The following MTHFD2L variants were observed in gnomAD, a reference collection of about 807,000 sequenced individuals.
The protein encoded by MTHFD2L is methylenetetrahydrofolate dehydrogenase (NADP+ dependent) 2 like, also known as bifunctional methylenetetrahydrofolate dehydrogenase/cyclohydrolase 2, mitochondrial.
MTHFD2L carries 29 observed loss-of-function variants against 34.9 expected under a neutral mutation model. The observed-to-expected ratio is 0.83, with a 90% CI of 0.62 to 1.13. The LOEUF is 1.13. Ranked by LOEUF, MTHFD2L falls within the 50% of genes most tolerant of loss-of-function variation. The pLI is 0.00. For synonymous variants in MTHFD2L, 167 were observed against 155.7 expected (o/e 1.07, Z -0.54); for missense variants, 481 against 446.5 (o/e 1.08, Z -0.70).
chr4:74,130,798 T>G (rs1288971008), intron 1 of MTHFD2L, among the ~76,000 whole-genome samples: 2 of 152,134 alleles, frequency 1.3e-5, no homozygotes, highest in Non-Finnish European at 2.9e-5. Flanking sequence ...AGTCAAATTG[T>G]CTCTATTTGC....
chr4:74,293,603 T>TC, intron 7 of MTHFD2L: 3 of 831,934 alleles, frequency 3.6e-6, no homozygotes, highest in Non-Finnish European at 4.3e-6. Flanking sequence ...AGCACTTGAT[T>TC]CCTGGTTGCC....
chr4:74,158,365 C>A, intron 1 of MTHFD2L, 84 bp downstream of exon 1: 1 of 1,034,226 alleles, frequency 9.7e-7, no homozygotes, highest in Non-Finnish European at 1.2e-6. Context: ...GCGCGTGGGG[C>A]CCAAGGCTCG....
chr4:74,141,694 C>T (rs1578247256), intron 1 of MTHFD2L, among the ~76,000 whole-genome samples: 1 of 152,246 alleles, frequency 6.6e-6, no homozygotes, highest in Non-Finnish European at 1.5e-5. Context: ...TTTCCTCATC[C>T]ATAAAATAGG....
intron 6 of MTHFD2L, among the ~76,000 whole-genome samples, chr4:74,241,099 A>G (rs923496472): frequency 2.5e-4 from 38 of 152,210 alleles, no homozygotes; most frequent in African/African-American, 9.2e-4. Flanking sequence ...GTTCTTAATT[A>G]GCGCCAAGAG....
intron 6 of MTHFD2L, among the ~76,000 whole-genome samples, chr4:74,237,605 CTCTG>C (rs1451835073): frequency 6.6e-6 from 1 of 151,954 alleles, no homozygotes; most frequent in African/African-American, 2.4e-5. Context: ...CAGAGACAGA[CTCTG>C]TCTGAAAAAA....
At chr4:74,210,699 T>C (rs548846043) in intron 5 of MTHFD2L, among the ~76,000 whole-genome samples, 2 of 151,402 alleles carry the variant, frequency 1.3e-5, no homozygotes, top group African/African-American at 4.8e-5. Context: ...CCATATGAAA[T>C]ATATTTTTTT....
chr4:74,226,444 A>C (rs1243323943), intron 6 of MTHFD2L, among the ~76,000 whole-genome samples: 1 of 152,170 alleles, frequency 6.6e-6, no homozygotes, highest in African/African-American at 2.4e-5. Flanking sequence ...TAATATACAA[A>C]AGAAAGCTTT....
chr4:74,123,609 G>T (rs1721868526), upstream of MTHFD2L, among the ~76,000 whole-genome samples: 1 of 152,048 alleles, frequency 6.6e-6, no homozygotes, highest in Non-Finnish European at 1.5e-5. Flanking sequence ...ACCTTTGTGG[G>T]ACTCTTCAGC....
intron 7 of MTHFD2L, among the ~76,000 whole-genome samples, chr4:74,285,178 C>T (rs758598969): frequency 9.9e-5 from 15 of 151,026 alleles, no homozygotes; most frequent in Non-Finnish European, 1.5e-4. Context: ...CATCACACAC[C>T]GGGGCCTGTT....
intron 5 of MTHFD2L, among the ~76,000 whole-genome samples, chr4:74,219,703 T>C (rs940627400): frequency 1.3e-5 from 2 of 152,118 alleles, no homozygotes; most frequent in African/African-American, 4.8e-5. Flanking sequence ...TTTGAACACA[T>C]TTGCTTTTAG....
chr4:74,118,453 AT>A (rs1235367832), upstream of MTHFD2L, among the ~76,000 whole-genome samples: 1 of 152,230 alleles, frequency 6.6e-6, no homozygotes, highest in East Asian at 1.9e-4. Context: ...GAGCAAAGGC[AT>A]TTCATTAAGT....
chr4:74,262,564 CTT>C (rs1403288422), intron 6 of MTHFD2L, among the ~76,000 whole-genome samples: 1 of 151,802 alleles, frequency 6.6e-6, no homozygotes, highest in African/African-American at 2.4e-5. Flanking sequence ...AAAAACCTAA[CTT>C]TTAAAAGAAC....
In MTHFD2L at chr4:74,201,372, T is replaced by C. The variant is rs761287321; in HGVS notation, c.712+2T>C. On this transcript the variant is annotated splice_donor_variant, in intron 5 of 7. Transcript: ENST00000325278. LOFTEE classifies it high-confidence loss of function. ...ATGGAGAGCATGAACGGCCAGGAGGTAGGTAGAACCTTGCAGATTCTACAC... is the reference window on the plus strand; with the variant it reads ...ATGGAGAGCATGAACGGCCAGGAGGCAGGTAGAACCTTGCAGATTCTACAC... 6.2e-7 allele frequency: 1 copy of C among 1,608,102 alleles called. No homozygotes were observed. Among genetic ancestry groups the C allele is most frequent in the East Asian group, 2.2e-5 (1 of 44,778 alleles).
At chr4:74,254,117 A>G (rs1467209986) in intron 6 of MTHFD2L, among the ~76,000 whole-genome samples, 3 of 152,236 alleles carry the variant, frequency 2.0e-5, no homozygotes, top group Non-Finnish European at 4.4e-5. Flanking sequence ...AAATGTGGGC[A>G]GAAAGCTTAA....
intron 5 of MTHFD2L, among the ~76,000 whole-genome samples, chr4:74,217,899 T>C (rs524018): frequency 0.031 from 4,757 of 152,188 alleles, 262 homozygotes; most frequent in African/African-American, 0.11. Context: ...GAAGCAGAAG[T>C]GAAAGAAATT....
In MTHFD2L at chr4:74,301,845, T is replaced by A. The variant is rs777565466; in HGVS notation, c.*36T>A. The A allele has an allele frequency of 7.8e-7, 1 of 1,289,510 alleles. No homozygotes were observed. The highest frequency in any genetic ancestry group is 2.0e-5 in the Admixed American group (1 of 50,588). The allele number at this position is 1,289,510 out of a possible 1,614,324, so 79.9% of individuals were successfully genotyped here. A position where few individuals can be genotyped will look rare whatever the true frequency, so the allele number is the denominator to read the frequency against. ...AGGATAAAGCAAACTGAAGTCATGC[T>A]ATTTGTTTATTTGACAAAGGGTAAA... On this transcript the variant is annotated 3_prime_UTR_variant, in exon 8 of 8. Coordinates refer to ENST00000325278, the MANE Select transcript of MTHFD2L (RefSeq NM_001144978.3).
upstream of MTHFD2L, chr4:74,123,467 T>C (rs1721857141): frequency 6.6e-6 from 1 of 152,148 alleles, no homozygotes. Context: ...TTTGTCTAAA[T>C]ATGATTCTCC....
chr4:74,218,984 AAAT>A (rs1463376568), intron 5 of MTHFD2L, among the ~76,000 whole-genome samples: 4 of 152,044 alleles, frequency 2.6e-5, no homozygotes, highest in African/African-American at 7.2e-5. Flanking sequence ...ATAACAACAA[AAAT>A]AATATAAAAA....
rs73824459 is a variant in MTHFD2L at position 74,302,128 on chromosome 4, A to G, written c.*319A>G. 1.6e-3 allele frequency: 289 copies of G among 181,746 alleles called. No homozygotes were observed. The highest frequency in any genetic ancestry group is 6.3e-3 in the African/African-American group (271 of 42,800). 11.3% of individuals were successfully genotyped at this position (181,746 alleles called of 1,614,324 possible). On this transcript the variant is annotated 3_prime_UTR_variant, in exon 8 of 8. Transcript: ENST00000325278. ...TATTTTTGACACAATTAAATATTAC[A>G]TAGAGTATGTTTACAACAAATATCC... is the stretch of plus-strand genomic sequence containing the variant.
Sources: allele counts gnomAD v4.1 joint callset (sites outside exome capture counted in the v4.1 genomes callset), GRCh38; gene constraint gnomAD v4.1.1; transcripts MANE v1.5; gene names NCBI Gene and HGNC (gene_info 2026-07-23, HGNC 2026-07-21).